VWC2: variants seen among roughly 807,000 people sequenced by gnomAD.
VWC2 encodes von Willebrand factor C domain containing 2, also known as brorin.
Under a neutral mutation model 29.8 loss-of-function variants are expected in VWC2, and 14 were observed. That is an observed-to-expected ratio of 0.47 (90% CI 0.31 to 0.74). The LOEUF (loss-of-function observed/expected upper bound fraction) is 0.74. Among genes scored for constraint, VWC2 ranks in the 30% least tolerant of loss-of-function variants. The probability of loss-of-function intolerance (pLI) is 0.05; values close to 1 mark genes in which losing one functional copy is unlikely to be tolerated. For synonymous variants in VWC2, 213 were observed against 199.0 expected, an observed-to-expected ratio of 1.07 and a Z score of -0.59; for missense variants, 457 against 459.8, an observed-to-expected ratio of 0.99 and a Z score of 0.05.
chr7:49,780,424 G>A (rs1220285841), intron 2 of VWC2, among the ~76,000 whole-genome samples: 1 of 151,796 alleles, frequency 6.6e-6, no homozygotes, highest in Non-Finnish European at 1.5e-5. Context: ...TGTGTTAATT[G>A]AAAAAAAATC....
At position 49,912,347 on chromosome 7, in the gene VWC2, G is replaced by A; in HGVS notation, c.*162G>A. On this transcript the variant is annotated 3_prime_UTR_variant, in exon 4 of 4. Transcript: ENST00000340652. ...CTTGATAACAGTTACTACAACAGAAGGAAATGGATATATTTCAAAACATCA... is the reference window on the plus strand; with the variant it reads ...CTTGATAACAGTTACTACAACAGAAAGAAATGGATATATTTCAAAACATCA... The A allele has an allele frequency of 4.7e-6, 3 of 640,702 alleles. No individual in the cohort carries two copies. The highest frequency in any genetic ancestry group is 2.5e-6 in the Non-Finnish European group (1 of 400,632). 39.7% of individuals were successfully genotyped at this position (640,702 alleles called of 1,614,324 possible).
chr7:49,800,867 A>T (rs946371713), intron 2 of VWC2, among the ~76,000 whole-genome samples: 2 of 150,196 alleles, frequency 1.3e-5, no homozygotes, highest in Non-Finnish European at 2.9e-5. Context: ...AAAAAAAAAA[A>T]AAAACCTAAT....
intron 2 of VWC2, among the ~76,000 whole-genome samples, chr7:49,777,629 A>T (rs1298753306): frequency 6.6e-6 from 1 of 152,210 alleles, no homozygotes; most frequent in African/African-American, 2.4e-5. Flanking sequence ...CCTTTGGAGA[A>T]AGACAACTGG....
intron 3 of VWC2, among the ~76,000 whole-genome samples, chr7:49,827,047 C>T (rs984962137): frequency 6.6e-6 from 1 of 152,046 alleles, no homozygotes. Flanking sequence ...CATAAGAATA[C>T]ACATTTCATT....
intron 3 of VWC2, among the ~76,000 whole-genome samples, chr7:49,864,215 G>T (rs1790788373): frequency 6.6e-6 from 1 of 152,146 alleles, no homozygotes. Context: ...TTTTCCAAAG[G>T]TTTCCTTGAA....
At chr7:49,870,003 A>G (rs996317349) in intron 3 of VWC2, among the ~76,000 whole-genome samples, 3 of 152,224 alleles carry the variant, frequency 2.0e-5, no homozygotes, top group Admixed American at 6.5e-5. Context: ...AGTGCATACT[A>G]TATGATTCTG....
rs1187547651 is a variant in VWC2, at chr7:49,920,427, G to A, written c.*8242G>A. On this transcript the variant is annotated 3_prime_UTR_variant, in exon 4 of 4. Coordinates refer to ENST00000340652, the MANE Select transcript of VWC2 (RefSeq NM_198570.5). ...CTCTCAATTTGCTGTGATAGGAAAG[G>A]TGGATATAAATATAAGCAAGGGTCT... The A allele has an allele frequency of 6.6e-6, 1 of 152,132 alleles. No individual in the cohort carries two copies. The highest frequency in any genetic ancestry group is 1.5e-5 in the Non-Finnish European group (1 of 68,028). The allele number at this position is 152,132 out of a possible 1,614,324, so 9.4% of individuals were successfully genotyped here.
chr7:49,874,091 C>A (rs951342726), intron 3 of VWC2, among the ~76,000 whole-genome samples: 1 of 151,852 alleles, frequency 6.6e-6, no homozygotes, highest in East Asian at 1.9e-4. Context: ...GGAGTAAGGA[C>A]GGGACTGGAG....
At chr7:49,877,946 G>C (rs1784797466) in intron 3 of VWC2, among the ~76,000 whole-genome samples, 1 of 151,950 alleles carries the variant, frequency 6.6e-6, no homozygotes, top group Admixed American at 6.6e-5. Flanking sequence ...TGTCATTTTG[G>C]GGTTTAGTGC....
At chr7:49,806,454 C>T (rs1003564779) in intron 3 of VWC2, among the ~76,000 whole-genome samples, 12 of 152,202 alleles carry the variant, frequency 7.9e-5, no homozygotes, top group Non-Finnish European at 1.0e-4. Flanking sequence ...GGTTGTATAT[C>T]TCCCTGAAGT....
intron 3 of VWC2, among the ~76,000 whole-genome samples, chr7:49,821,962 A>C (rs1457842031): frequency 2.6e-5 from 4 of 152,200 alleles, no homozygotes; most frequent in Non-Finnish European, 2.9e-5. Flanking sequence ...AAATTTAAAA[A>C]TATTCTTATA....
In VWC2 at chr7:49,914,232, G is replaced by A. The variant is rs1052157574; in HGVS notation, c.*2047G>A. 6.6e-6 allele frequency: 1 copy of A among 152,240 alleles called. No individual in the cohort carries two copies. The highest frequency in any genetic ancestry group is 2.4e-5 in the African/African-American group (1 of 41,466). 9.4% of individuals were successfully genotyped at this position (152,240 alleles called of 1,614,324 possible). A position where few individuals can be genotyped will look rare whatever the true frequency, so the allele number is the denominator to read the frequency against. Reference sequence around the variant, plus strand: ...TGCAGTTAGAGACTCAGTCCATGCAGCTCAAAGTCTTCCTGTTTCCCTTAA... The same window carrying A: ...TGCAGTTAGAGACTCAGTCCATGCAACTCAAAGTCTTCCTGTTTCCCTTAA... On this transcript the variant is annotated 3_prime_UTR_variant, in exon 4 of 4. Coordinates refer to ENST00000340652, the MANE Select transcript of VWC2 (RefSeq NM_198570.5).
In VWC2 at chr7:49,895,908, A is replaced by G. The variant is rs189073103; in HGVS notation, c.827-16126A>G. 1.5e-3 allele frequency among the ~76,000 whole-genome samples: 229 copies of G among 152,320 alleles called. 2 individuals are homozygous for G. In the South Asian group the frequency reaches 0.016, roughly 10 times the overall value. ...AATTATAATAGTAGAATCCATTTGTATATATGTATAAATTTTATACATTCT... is the reference window on the plus strand; with the variant it reads ...AATTATAATAGTAGAATCCATTTGTGTATATGTATAAATTTTATACATTCT... On this transcript the variant is annotated intron_variant, in intron 3 of 3. Transcript: ENST00000340652.
At chr7:49,869,263 CA>C (rs924585434) in intron 3 of VWC2, among the ~76,000 whole-genome samples, 1 of 152,038 alleles carries the variant, frequency 6.6e-6, no homozygotes, top group African/African-American at 2.4e-5. Flanking sequence ...TAAGCCTTTG[CA>C]AAATACACAG....
chr7:49,862,770 T>C (rs1790710208), intron 3 of VWC2, among the ~76,000 whole-genome samples: 1 of 152,210 alleles, frequency 6.6e-6, no homozygotes, highest in East Asian at 1.9e-4. Flanking sequence ...TTGTATTATG[T>C]CCATTAATTT....
Position 49,775,689 on chromosome 7 carries a change from C to T in VWC2, c.254C>T (p.Ala85Val). The T allele has an allele frequency of 6.6e-7, 1 of 1,523,510 alleles. No homozygotes were observed. 94.4% of individuals were successfully genotyped at this position (1,523,510 alleles called of 1,614,324 possible). The change falls in exon 2 of 4, where the codon GCC (alanine) becomes GTC (valine). Residue 85 changes from alanine (A) to valine (V), a missense_variant. Around this residue, in one of 2 missense-constraint regions of VWC2, gnomAD observed 272 missense variants for 202.7 expected, o/e 1.34. Transcript: ENST00000340652. ...DWKSKSGRGL[A>V]GREPWSKLKQ... is the part of the protein sequence containing the mutation. ...AAGAGCAAGAGCGGCCGTGGGCTCGCCGGCCGTGAGCCGTGGAGCAAGCTG... is the reference window on the plus strand; with the variant it reads ...AAGAGCAAGAGCGGCCGTGGGCTCGTCGGCCGTGAGCCGTGGAGCAAGCTG...
intron 3 of VWC2, among the ~76,000 whole-genome samples, chr7:49,852,448 T>C (rs692270): frequency 0.89 from 136,217 of 152,264 alleles, 61,092 homozygotes; most frequent in African/African-American, 0.94. Context: ...GAAATCTGAT[T>C]TGTGCATGGC....
chr7:49,786,925 C>T (rs1401040816), intron 2 of VWC2, among the ~76,000 whole-genome samples: 1 of 152,158 alleles, frequency 6.6e-6, no homozygotes, highest in Non-Finnish European at 1.5e-5. Flanking sequence ...ATTCTGTAGA[C>T]TGTCTGTTTA....
intron 3 of VWC2, among the ~76,000 whole-genome samples, chr7:49,883,121 T>G (rs1791742708): frequency 6.6e-6 from 1 of 151,922 alleles, no homozygotes; most frequent in African/African-American, 2.4e-5. Context: ...GAAACAACTT[T>G]GAGGGGAAAT....
Sources: allele counts gnomAD v4.1 joint callset (sites outside exome capture counted in the v4.1 genomes callset), GRCh38; gene constraint gnomAD v4.1.1; regional missense constraint gnomAD v4.1.1; transcripts MANE v1.5; gene names NCBI Gene and HGNC (gene_info 2026-07-23, HGNC 2026-07-21).